The following NOS1 variants were observed in gnomAD, a reference collection of about 807,000 sequenced individuals.
The protein encoded by NOS1 is nitric oxide synthase 1, also known as NOS type I.
NOS1 carries 51 observed loss-of-function variants against 164.5 expected under a neutral mutation model. The ratio of observed to expected loss-of-function variants is 0.31; its 90% CI spans 0.25 to 0.39. The LOEUF (loss-of-function observed/expected upper bound fraction) is 0.39, where lower values mean the gene tolerates loss of function less well. Ranked by LOEUF, NOS1 falls within the 10% of genes least tolerant of loss-of-function variation. The pLI is 1.00. For synonymous variants in NOS1, 719 were observed against 745.8 expected (o/e 0.96, Z 0.59); for missense variants, 1,362 against 1,885.6 (o/e 0.72, Z 5.14).
intron 1 of NOS1, among the ~76,000 whole-genome samples, chr12:117,336,881 C>T (rs1289797413): frequency 1.3e-5 from 2 of 152,036 alleles, no homozygotes; most frequent in East Asian, 3.9e-4. Context: ...ACTGCAGCCT[C>T]CACCTCCCAG....
intron 9 of NOS1, among the ~76,000 whole-genome samples, chr12:117,273,887 A>G (rs1872969760): frequency 2.4e-5 from 3 of 123,520 alleles, no homozygotes; most frequent in Admixed American, 2.4e-4. Context: ...AGAAGAAAAC[A>G]TCAGGGAAAT....
chr12:117,225,024 T>C lies in NOS1; in HGVS notation c.3818A>G (p.Gln1273Arg). ...ACTGGACTGTAACCCACCTTTGTGT[T>C]GGATATCAAATTGCCGCTGTTGCCA... Reference protein sequence around the residue: ...SFWQQRQFDIQHKGMNPCPMV... With the variant: ...SFWQQRQFDIRHKGMNPCPMV... The change falls in exon 25 of 29, where the codon CAA becomes CGA. Residue 1273 changes from glutamine (Q) to arginine (R), a missense_variant. This residue lies in a region of NOS1 where 737 missense variants were observed against 1,030.3 expected (regional missense o/e 0.72). Transcript: ENST00000317775. 6.2e-7 allele frequency: 1 copy of C among 1,614,138 alleles called. No homozygotes were observed. The highest frequency in any genetic ancestry group is 8.5e-7 in the Non-Finnish European group (1 of 1,180,026).
intron 20 of NOS1, among the ~76,000 whole-genome samples, chr12:117,242,072 G>A (rs1429046913): frequency 1.3e-5 from 2 of 152,088 alleles, no homozygotes; most frequent in Admixed American, 6.5e-5. Context: ...AGTAAAACTG[G>A]GTTTAAAATA....
chr12:117,266,671 G>A (rs1872445463), intron 11 of NOS1, among the ~76,000 whole-genome samples: 1 of 151,772 alleles, frequency 6.6e-6, no homozygotes, highest in Non-Finnish European at 1.5e-5. Flanking sequence ...CTGAGTAGCT[G>A]GGATTACAGG....
At chr12:117,246,763 G>A (rs140890512) in intron 18 of NOS1, among the ~76,000 whole-genome samples, 1 of 152,294 alleles carries the variant, frequency 6.6e-6, no homozygotes, top group African/African-American at 2.4e-5. Context: ...TCCACTTAGT[G>A]TAAAGTTTTC....
intron 1 of NOS1, among the ~76,000 whole-genome samples, chr12:117,346,015 G>A (rs1376730215): frequency 6.6e-6 from 1 of 152,242 alleles, no homozygotes; most frequent in Non-Finnish European, 1.5e-5. Context: ...GTAGAGAACT[G>A]GAGGGCCCAT....
intron 12 of NOS1, among the ~76,000 whole-genome samples, 178 bp from the exon 13 acceptor site, chr12:117,264,152 G>A (rs1255614508): frequency 3.3e-5 from 5 of 151,704 alleles, no homozygotes; most frequent in African/African-American, 9.7e-5. Flanking sequence ...GGGGAGGGGG[G>A]GGGTCCTTGC....
At chr12:117,293,629 A>G (rs1313729024) in intron 3 of NOS1, among the ~76,000 whole-genome samples, 2 of 151,948 alleles carry the variant, frequency 1.3e-5, no homozygotes, top group Non-Finnish European at 2.9e-5. Context: ...ATACTTCTGC[A>G]AGTATTATTA....
At chr12:117,297,782 A>G (rs1873526603) in intron 3 of NOS1, among the ~76,000 whole-genome samples, 2 of 152,066 alleles carry the variant, frequency 1.3e-5, no homozygotes, top group African/African-American at 4.8e-5. Flanking sequence ...GAAGACAGAA[A>G]CTCAGCACCA....
In NOS1 at chr12:117,212,232, T is replaced by G. The variant is rs1956540341; in HGVS notation, c.*3077A>C. ...CCAGGTACTGTAACTGGGCATTTCG[T>G]GGGCATTGTCTCATTCAATCCACCT... On this transcript the variant is annotated 3_prime_UTR_variant, in exon 29 of 29. Transcript: ENST00000317775. 1.0e-6 allele frequency: 1 copy of G among 985,250 alleles called. No individual in the cohort carries two copies. Among genetic ancestry groups the G allele is most frequent in the African/African-American group, 1.7e-5 (1 of 57,226 alleles). The allele number at this position is 985,250 out of a possible 1,614,324, so 61.0% of individuals were successfully genotyped here.
At chr12:117,276,348 CTTGGGCTCACTGCA>C in intron 9 of NOS1, among the ~76,000 whole-genome samples, 1 of 152,120 alleles carries the variant, frequency 6.6e-6, no homozygotes, top group African/African-American at 2.4e-5. Flanking sequence ...ACTGGCACAA[CTTGGGCTCACTGCA>C]ACCTCTGCTT....
At position 117,215,325 on chromosome 12, in the gene NOS1, C is replaced by G. The variant is rs1458801531; in HGVS notation, c.4290-1G>C. ...AGGGTCCAGTTAGGAGCTGAAAACC[C>G]TGTGGAAAGAGAAGTTGGGGGGCAG... On this transcript the variant is annotated splice_acceptor_variant, in intron 28 of 28. Transcript: ENST00000317775. LOFTEE classifies it high-confidence loss of function. 6.5e-7 allele frequency: 1 copy of G among 1,546,226 alleles called. No homozygotes were observed. The highest frequency in any genetic ancestry group is 8.7e-7 in the Non-Finnish European group (1 of 1,144,640).
chr12:117,276,300 TG>T (rs1371990806), intron 9 of NOS1, among the ~76,000 whole-genome samples: 1 of 152,154 alleles, frequency 6.6e-6, no homozygotes, highest in African/African-American at 2.4e-5. Flanking sequence ...ATTTTTTTTT[TG>T]AGATGGGGTC....
At chr12:117,279,506 G>T (rs1048967564) in intron 8 of NOS1, among the ~76,000 whole-genome samples, 1 of 152,152 alleles carries the variant, frequency 6.6e-6, no homozygotes, top group African/African-American at 2.4e-5. Context: ...CATTTCAAGT[G>T]ATCAATAGCC....
chr12:117,350,930 G>A (rs2136093499), intron 1 of NOS1, among the ~76,000 whole-genome samples: 1 of 152,258 alleles, frequency 6.6e-6, no homozygotes, highest in Middle Eastern at 3.4e-3. Context: ...TGGCTAACAC[G>A]GTGAAACCCC....
chr12:117,229,880 T>C (rs1346312288), intron 22 of NOS1, among the ~76,000 whole-genome samples: 1 of 152,172 alleles, frequency 6.6e-6, no homozygotes, highest in East Asian at 1.9e-4. Flanking sequence ...TGAGCCACTG[T>C]GCCCGGCCTA....
rs9658349 is a variant in NOS1 at position 117,286,937 on chromosome 12, G to A, written c.1128-671C>T. On this transcript the variant is annotated intron_variant, in intron 5 of 28. Transcript: ENST00000317775. ...AAGCATTCATATAGGCATACAGGCC[G>A]GGTATGGTGGCTCACACCTGTAGTC... Among the ~76,000 whole-genome samples, 1,023 of 152,222 alleles carry A rather than the reference G, an allele frequency of 6.7e-3. 16 individuals carry two copies. The highest frequency in any genetic ancestry group is 0.023 in the African/African-American group (952 of 41,524).
chr12:117,233,151 G>A (rs954316361), intron 21 of NOS1, among the ~76,000 whole-genome samples: 58 of 149,640 alleles, frequency 3.9e-4, no homozygotes, highest in Non-Finnish European at 6.8e-4. Flanking sequence ...GGGTTCAAGC[G>A]ATTCTCCTGC....
chr12:117,314,685 C>A (rs1013024121), intron 2 of NOS1, among the ~76,000 whole-genome samples: 2 of 152,052 alleles, frequency 1.3e-5, no homozygotes, highest in African/African-American at 4.8e-5. Flanking sequence ...TGGCTCACTG[C>A]AACCTCTGCC....
Sources: allele counts gnomAD v4.1 joint callset (sites outside exome capture counted in the v4.1 genomes callset), GRCh38; gene constraint gnomAD v4.1.1; regional missense constraint gnomAD v4.1.1; transcripts MANE v1.5; gene names NCBI Gene and HGNC (gene_info 2026-07-23, HGNC 2026-07-21).